Variants in NLN observed in about 807,000 individuals in gnomAD.
NLN encodes neurolysin, mitochondrial.
A neutral mutation model predicts 79.9 loss-of-function variants in NLN; 64 were observed. The ratio of observed to expected loss-of-function variants is 0.80; its 90% CI spans 0.65 to 0.99. NLN has a LOEUF of 0.99. Ranked by LOEUF, NLN falls within the 50% of genes least tolerant of loss-of-function variation. The probability of loss-of-function intolerance (pLI) is 0.00; values close to 1 mark genes in which losing one functional copy is unlikely to be tolerated. For missense variants in NLN, 835 were observed against 858.7 expected, an observed-to-expected ratio of 0.97 and a Z score of 0.34; for synonymous variants, 267 against 296.6, an observed-to-expected ratio of 0.90 and a Z score of 1.02.
At position 65,809,629 on chromosome 5, in the gene NLN, C is replaced by T. The variant is rs1001652930; in HGVS notation, c.1642C>T (p.His548Tyr). ...CGATTCCCTCCGAAGATTGTCAAAACATTATAAAGATGGAAGCCCTATTGC... is the reference window on the plus strand; with the variant it reads ...CGATTCCCTCCGAAGATTGTCAAAATATTATAAAGATGGAAGCCCTATTGC... ...DVDSLRRLSKHYKDGSPIADD... is the reference protein window; with the variant it reads ...DVDSLRRLSKYYKDGSPIADD... The change falls in exon 10 of 13, where the codon CAT (histidine) becomes TAT (tyrosine). Residue 548 changes from histidine to tyrosine, a missense_variant. By Grantham distance (83) the His-to-Tyr change is moderately conservative. Transcript: ENST00000380985. 9.3e-6 allele frequency: 15 copies of T among 1,613,872 alleles called. No individual in the cohort carries two copies. The African/African-American group carries it at 1.9e-4, about 20-fold the overall frequency.
intron 1 of NLN, among the ~76,000 whole-genome samples, chr5:65,738,478 T>C (rs1758783760): frequency 6.6e-6 from 1 of 150,758 alleles, no homozygotes; most frequent in South Asian, 2.1e-4. Flanking sequence ...GAGGCTGAGG[T>C]GAGAGGATAG....
chr5:65,809,721 A>G lies in NLN; in HGVS notation c.1714+20A>G, dbSNP rs375576123. ...ACACAGGTATGACTTCTAATTTTAA[A>G]AAGGAAAATAAATTAGAATCTCTTA... On this transcript the variant is annotated intron_variant, in intron 10 of 12. Coordinates refer to ENST00000380985, the MANE Select transcript of NLN (RefSeq NM_020726.5). 20 of 1,526,474 alleles carry G rather than the reference A, an allele frequency of 1.3e-5. No individual in the cohort carries two copies. The highest frequency in any genetic ancestry group is 1.7e-4 in the Middle Eastern group (1 of 5,750). 94.6% of individuals were successfully genotyped at this position (1,526,474 alleles called of 1,614,324 possible).
intron 7 of NLN, among the ~76,000 whole-genome samples, chr5:65,787,905 A>G (rs1759966648): frequency 6.6e-6 from 1 of 152,236 alleles, no homozygotes; most frequent in Non-Finnish European, 1.5e-5. Flanking sequence ...GGCTAGGACC[A>G]TAAAATCAAT....
intron 3 of NLN, among the ~76,000 whole-genome samples, chr5:65,771,237 C>G (rs1424061749): frequency 6.6e-6 from 1 of 152,114 alleles, no homozygotes; most frequent in African/African-American, 2.4e-5. Context: ...AAAAAAATGG[C>G]CAAGTGTCAG....
intron 12 of NLN, among the ~76,000 whole-genome samples, chr5:65,814,068 G>GA (rs1297932792): frequency 1.3e-5 from 2 of 151,724 alleles, no homozygotes; most frequent in Non-Finnish European, 1.5e-5. Context: ...TGCTGTCTTG[G>GA]AAAAAAAACT....
rs186726086 is a variant in NLN at position 65,769,759 on chromosome 5, G to T, written c.450+6651G>T. Among the ~76,000 whole-genome samples the T allele has an allele frequency of 3.9e-5, 6 of 152,260 alleles. No homozygotes were observed. The East Asian group carries it at 1.2e-3, about 29-fold the overall frequency. On this transcript the variant is annotated intron_variant, in intron 3 of 12. Transcript: ENST00000380985. ...TTATAATATAAGTGGAGAAACTGAA[G>T]CTCAGAAACAATAACTTTCCAAGAG...
At chr5:65,762,682 G>A (rs574024263) in intron 2 of NLN, among the ~76,000 whole-genome samples, 4 of 143,736 alleles carry the variant, frequency 2.8e-5, no homozygotes, top group Admixed American at 1.4e-4. Context: ...CAGCCTGGGC[G>A]ACAAAGCAAG....
intron 3 of NLN, among the ~76,000 whole-genome samples, chr5:65,773,769 C>T (rs1759620690): frequency 6.6e-6 from 1 of 151,928 alleles, no homozygotes; most frequent in Non-Finnish European, 1.5e-5. Flanking sequence ...ATGATTAAAC[C>T]CCTTCTCTAC....
At chr5:65,807,566 G>A (rs1047641452) in intron 9 of NLN, among the ~76,000 whole-genome samples, 3 of 151,818 alleles carry the variant, frequency 2.0e-5, no homozygotes, top group African/African-American at 7.3e-5. Context: ...TCAGCCTCCT[G>A]AGTAGCTGGG....
chr5:65,810,242 G>A, intron 11 of NLN, 77 bp downstream of exon 11: 1 of 1,272,022 alleles, frequency 7.9e-7, no homozygotes, highest in Non-Finnish European at 1.1e-6. Flanking sequence ...GGGAGATGGA[G>A]TTTGTCAGAC....
intron 1 of NLN, among the ~76,000 whole-genome samples, chr5:65,753,290 G>A (rs1759141875): frequency 6.6e-6 from 1 of 152,170 alleles, no homozygotes; most frequent in Admixed American, 6.5e-5. Flanking sequence ...GTAAATGTTA[G>A]GAAATAGATG....
chr5:65,825,714 C>A lies in NLN; in HGVS notation c.*2799C>A, dbSNP rs1214922719. The A allele has an allele frequency of 6.6e-6, 1 of 152,172 alleles. No individual in the cohort carries two copies. The highest frequency in any genetic ancestry group is 2.1e-4 in the South Asian group (1 of 4,822). 9.4% of individuals were successfully genotyped at this position (152,172 alleles called of 1,614,324 possible). On this transcript the variant is annotated 3_prime_UTR_variant, in exon 13 of 13. Coordinates refer to ENST00000380985, the MANE Select transcript of NLN (RefSeq NM_020726.5). Reference sequence around the variant, plus strand: ...ATGAAAAATTGCATTGTGGGAGATACCAAAATTGAGGAAATAGCTCTTCAA... The same window carrying A: ...ATGAAAAATTGCATTGTGGGAGATAACAAAATTGAGGAAATAGCTCTTCAA...
intron 9 of NLN, among the ~76,000 whole-genome samples, chr5:65,798,208 A>G (rs1760210350): frequency 6.6e-6 from 1 of 152,186 alleles, no homozygotes; most frequent in Non-Finnish European, 1.5e-5. Flanking sequence ...ATTCATTTTT[A>G]TCTTCACAGT....
intron 1 of NLN, among the ~76,000 whole-genome samples, chr5:65,740,698 G>A (rs764361294): frequency 4.0e-5 from 6 of 151,646 alleles, no homozygotes; most frequent in Admixed American, 3.3e-4. Context: ...TGGCATCTTC[G>A]TCCAAAATCG....
intron 9 of NLN, among the ~76,000 whole-genome samples, chr5:65,803,871 C>T (rs936144043): frequency 1.2e-4 from 18 of 152,330 alleles, no homozygotes; most frequent in African/African-American, 4.3e-4. Flanking sequence ...GCCCCAGCCA[C>T]GCTTCCCCCA....
In NLN at chr5:65,825,504, AGAG is replaced by A. The variant is rs1400606060; in HGVS notation, c.*2590_*2592del. ...TAAAGGTTTAGTTTTACGATGCTGCAGAGAAGAGAAATGTCTTGACGTTTTGCC... is the reference window on the plus strand; with the variant it reads ...TAAAGGTTTAGTTTTACGATGCTGCAAAGAGAAATGTCTTGACGTTTTGCC... On this transcript the variant is annotated 3_prime_UTR_variant, in exon 13 of 13. Coordinates refer to ENST00000380985, the MANE Select transcript of NLN (RefSeq NM_020726.5). 1 of 152,180 alleles carries A rather than the reference AGAG, an allele frequency of 6.6e-6. No homozygotes were observed. The highest frequency in any genetic ancestry group is 1.5e-5 in the Non-Finnish European group (1 of 68,034). The allele number at this position is 152,180 out of a possible 1,614,324, so 9.4% of individuals were successfully genotyped here.
rs753846039 is a variant in NLN, at chr5:65,809,506, G to C, written c.1528-9G>C. The C allele has an allele frequency of 1.9e-6, 3 of 1,576,198 alleles. No individual in the cohort carries two copies. In the South Asian group the frequency reaches 3.5e-5, roughly 19 times the overall value. On this transcript the variant is annotated splice_polypyrimidine_tract_variant and intron_variant, in intron 9 of 12. Transcript: ENST00000380985. The stretch of plus-strand genomic sequence containing the variant: ...TTCTTTAAAAAAATTCTCTGTGTTT[G>C]CTTTCTAGACTGATTTTGCACGATT...
intron 9 of NLN, among the ~76,000 whole-genome samples, chr5:65,808,138 T>C (rs975855638): frequency 6.6e-6 from 1 of 152,206 alleles, no homozygotes; most frequent in African/African-American, 2.4e-5. Flanking sequence ...TAGTTATCCT[T>C]GCCCCTTTAA....
chr5:65,791,049 T>C (rs1305101769), intron 8 of NLN, among the ~76,000 whole-genome samples: 1 of 152,232 alleles, frequency 6.6e-6, no homozygotes, highest in African/African-American at 2.4e-5. Flanking sequence ...CATCTTAAGA[T>C]GTTCTCTTCA....
Sources: gnomAD v4.1 joint callset for allele counts (sites outside exome capture counted in the v4.1 genomes callset) on GRCh38, gnomAD v4.1.1 for gene constraint, MANE v1.5 for transcripts, NCBI Gene and HGNC (gene_info 2026-07-23, HGNC 2026-07-21) for gene names.